The following MOV10 variants were observed in gnomAD, a reference collection of about 807,000 sequenced individuals.
MOV10 encodes the protein Mov10 RNA helicase, also known as RNA helicase MOV-10.
Under a neutral mutation model 108.4 loss-of-function variants are expected in MOV10, and 39 were observed. The observed-to-expected ratio is 0.36, with a 90% confidence interval of 0.28 to 0.47. MOV10 has a LOEUF of 0.47. Ranked by LOEUF, MOV10 falls within the 20% of genes least tolerant of loss-of-function variation. MOV10 has a pLI of 1.00. For synonymous variants in MOV10, 490 were observed against 523.1 expected (o/e 0.94, Z 0.86); for missense variants, 952 against 1,297.6 (o/e 0.73, Z 4.09).
chr1:112,691,355 A>T (rs533047544), intron 5 of MOV10, among the ~76,000 whole-genome samples: 1 of 152,340 alleles, frequency 6.6e-6, no homozygotes, highest in African/African-American at 2.4e-5. Context: ...ATATATGTAT[A>T]ACAGAAACTT....
chr1:112,697,491 G>A lies in MOV10; in HGVS notation c.2199-503G>A, dbSNP rs556252586. Among the ~76,000 whole-genome samples the A allele has an allele frequency of 9.1e-4, 138 of 152,146 alleles. No homozygotes were observed. In the Middle Eastern group the frequency reaches 0.01, roughly 11 times the overall value. Reference sequence around the variant, plus strand: ...TCTCAAAAAAAGAAAGAAAAATAGGGAAGATACAGTTTTTTCATAAACCTA... The same window carrying A: ...TCTCAAAAAAAGAAAGAAAAATAGGAAAGATACAGTTTTTTCATAAACCTA... On this transcript the variant is annotated intron_variant, in intron 14 of 20. Coordinates refer to ENST00000369645, the MANE Select transcript of MOV10 (RefSeq NM_001321324.2).
intron 2 of MOV10, among the ~76,000 whole-genome samples, chr1:112,684,663 G>A (rs1158567114): frequency 6.6e-6 from 1 of 152,292 alleles, no homozygotes; most frequent in Middle Eastern, 3.4e-3. Flanking sequence ...TCTTCTACCA[G>A]CAATTTATGA....
intron 2 of MOV10, among the ~76,000 whole-genome samples, chr1:112,676,979 C>T (rs1282195013): frequency 6.6e-6 from 1 of 152,078 alleles, no homozygotes; most frequent in Non-Finnish European, 1.5e-5. Context: ...TACAGAAAGC[C>T]AGATATACTG....
In MOV10 at chr1:112,694,424, A is replaced by G. The variant is rs1333049606; in HGVS notation, c.1296-29A>G. 3 of 1,613,356 alleles carry G rather than the reference A, an allele frequency of 1.9e-6. No homozygotes were observed. The highest frequency in any genetic ancestry group is 2.5e-6 in the Non-Finnish European group (3 of 1,179,942). The stretch of plus-strand genomic sequence containing the variant: ...TATTGCCCACCTCCCCTGCCCCAAC[A>G]AACTCTTACCACCTCTCTCTGCCCA... On this transcript the variant is annotated intron_variant, in intron 8 of 20. Coordinates refer to ENST00000369645, the MANE Select transcript of MOV10 (RefSeq NM_001321324.2). The surrounding 1 kb of genome is among the most constrained non-coding windows in gnomAD (Gnocchi z 4.1).
Position 112,698,430 on chromosome 1 carries a change from T to C in MOV10, c.2460T>C (p.Ala820=), listed in dbSNP as rs2306940. Residue 820 remains alanine, a synonymous_variant, in exon 16 of 21, where the codon GCT becomes GCC. Coordinates refer to ENST00000369645, the MANE Select transcript of MOV10 (RefSeq NM_001321324.2). ...LLAPSSKKGK[A]RLSPRSVGVI... is the part of the protein sequence containing the mutation. ...CCCCCTCCTCCAAGAAGGGCAAAGC[T>C]CGCCTGAGCCCTCGAAGTGTGGGCG... is the stretch of plus-strand genomic sequence containing the variant. 370,320 of 1,613,870 alleles carry C rather than the reference T, an allele frequency of 0.23. 47,204 individuals are homozygous for C. The highest frequency in any genetic ancestry group is 0.57 in the East Asian group (25,735 of 44,858).
In MOV10 at chr1:112,700,652, G is replaced by A. The variant is rs770492148; in HGVS notation, c.*145G>A. On this transcript the variant is annotated 3_prime_UTR_variant, in exon 21 of 21. Transcript: ENST00000369645. ...CCCAAGCCATTCCACCCCCTCCCCTGCTGGGGAGAATGACACATCAAGCTG... is the reference window on the plus strand; with the variant it reads ...CCCAAGCCATTCCACCCCCTCCCCTACTGGGGAGAATGACACATCAAGCTG... 16 of 1,538,194 alleles carry A rather than the reference G, an allele frequency of 1.0e-5. No homozygotes were observed. The highest frequency in any genetic ancestry group is 7.3e-5 in the East Asian group (3 of 40,896).
chr1:112,695,817 A>G (rs1334243833), intron 11 of MOV10, among the ~76,000 whole-genome samples: 4 of 152,084 alleles, frequency 2.6e-5, no homozygotes, highest in Non-Finnish European at 5.9e-5. Flanking sequence ...AGGCAGATGG[A>G]TTACCTGAGG....
rs138124297 is a variant in MOV10, at chr1:112,698,466, G to A, written c.2496G>A (p.Pro832=). The A allele has an allele frequency of 4.3e-5, 70 of 1,613,708 alleles. No individual in the cohort carries two copies. The highest frequency in any genetic ancestry group is 3.4e-4 in the South Asian group (31 of 91,068). Residue 832 remains proline (P), a synonymous_variant, in exon 16 of 21, where the codon CCG becomes CCA. Transcript: ENST00000369645. ...CTCGAAGTGTGGGCGTCATCTCCCC[G>A]TACCGGAAACAGGTCAGGTCCTCAG... ...LSPRSVGVIS[P]YRKQVEKIRY... is the part of the protein sequence containing the mutation.
At chr1:112,689,295 G>A in intron 3 of MOV10, 120 bp from the exon 4 acceptor site, 2 of 1,218,114 alleles carry the variant, frequency 1.6e-6, no homozygotes, top group Non-Finnish European at 1.2e-6. Flanking sequence ...CTGGGAGGGG[G>A]TGAGTTTCCT....
chr1:112,684,262 A>ATTTTTT (rs71084487), intron 2 of MOV10, among the ~76,000 whole-genome samples: 5 of 93,834 alleles, frequency 5.3e-5, no homozygotes, highest in South Asian at 3.5e-4. Flanking sequence ...AGTCCCTGGG[A>ATTTTTT]TTTTTTTTTT....
At chr1:112,699,305 A>ACAGG (rs1674410493) in intron 17 of MOV10, 1 of 300,672 alleles carries the variant, frequency 3.3e-6, no homozygotes, top group African/African-American at 2.2e-5. Context: ...TCTAAGACTT[A>ACAGG]CAGGCCTCTC....
intron 2 of MOV10, among the ~76,000 whole-genome samples, chr1:112,681,214 G>C (rs548818176): frequency 6.6e-6 from 1 of 151,882 alleles, no homozygotes; most frequent in Non-Finnish European, 1.5e-5. Context: ...ATGTTTGGCC[G>C]GGCTCAGTGG....
chr1:112,693,198 A>G (rs982895352), intron 7 of MOV10, among the ~76,000 whole-genome samples: 11 of 152,234 alleles, frequency 7.2e-5, no homozygotes, highest in Non-Finnish European at 1.6e-4. Context: ...TGAAAAGCAC[A>G]GAGCTGGACT....
intron 7 of MOV10, among the ~76,000 whole-genome samples, chr1:112,693,509 A>G (rs1450510162): frequency 1.3e-5 from 2 of 152,046 alleles, no homozygotes; most frequent in East Asian, 3.9e-4. Flanking sequence ...GACCACAGAC[A>G]TGCCCCACTA....
intron 2 of MOV10, chr1:112,688,324 C>T: frequency 1.0e-6 from 1 of 989,292 alleles, no homozygotes; most frequent in Non-Finnish European, 1.2e-6. Flanking sequence ...TTCACCTTCT[C>T]TAGGCACAAA....
intron 5 of MOV10, 82 bp from the exon 6 acceptor site, chr1:112,691,582 CT>C: frequency 6.5e-7 from 1 of 1,529,780 alleles, no homozygotes; most frequent in South Asian, 1.2e-5. Context: ...TGCAGGAGGG[CT>C]TTGTGCATCC....
Position 112,700,462 on chromosome 1 carries a change from G to C in MOV10, c.2967G>C (p.Gly989=). 1.9e-6 allele frequency: 3 copies of C among 1,613,890 alleles called. No individual in the cohort carries two copies. The highest frequency in any genetic ancestry group is 1.7e-6 in the Non-Finnish European group (2 of 1,179,920). ...DYLPQEREGE[G]GLSLQVEPEW... is the part of the protein sequence containing the mutation. ...TCCCCCAGGAGCGGGAGGGTGAAGG[G>C]GGCCTGTCTCTGCAAGTGGAGCCAG... The change falls in exon 21 of 21, where the codon GGG becomes GGC. Residue 989 remains glycine (G), a synonymous_variant. Coordinates refer to ENST00000369645, the MANE Select transcript of MOV10 (RefSeq NM_001321324.2).
Position 112,700,523 on chromosome 1 carries a change from C to G in MOV10, c.*16C>G. 6.2e-7 allele frequency: 1 copy of G among 1,610,758 alleles called. No individual in the cohort carries two copies. The highest frequency in any genetic ancestry group is 8.5e-7 in the Non-Finnish European group (1 of 1,178,238). The stretch of plus-strand genomic sequence containing the variant: ...TGAGCTCTGAAGACACAGCACCCAG[C>G]CTTCTCGCACCAGCCAAGCCTTAAC... On this transcript the variant is annotated 3_prime_UTR_variant, in exon 21 of 21. Coordinates refer to ENST00000369645, the MANE Select transcript of MOV10 (RefSeq NM_001321324.2).
chr1:112,677,727 T>C (rs1343807259), intron 2 of MOV10, among the ~76,000 whole-genome samples: 2 of 152,070 alleles, frequency 1.3e-5, no homozygotes, highest in African/African-American at 4.8e-5. Context: ...AGAATCTAAG[T>C]GAACTAGCAA....
Sources: allele counts gnomAD v4.1 joint callset (sites outside exome capture counted in the v4.1 genomes callset), GRCh38; gene constraint gnomAD v4.1.1; non-coding constraint Gnocchi (gnomAD v3.1); transcripts MANE v1.5; gene names NCBI Gene and HGNC (gene_info 2026-07-23, HGNC 2026-07-21).